CCDC25: variants seen among roughly 807,000 people sequenced by gnomAD.
The protein encoded by CCDC25 is coiled-coil domain containing 25.
Under a neutral mutation model 35.3 loss-of-function variants are expected in CCDC25, and 16 were observed. The observed-to-expected ratio is 0.45, with a 90% confidence interval of 0.31 to 0.69. The LOEUF (loss-of-function observed/expected upper bound fraction) is 0.69. Ranked by LOEUF, CCDC25 falls within the 30% of genes least tolerant of loss-of-function variation. The probability of loss-of-function intolerance (pLI) is 0.06; values close to 1 mark genes in which losing one functional copy is unlikely to be tolerated. For missense variants in CCDC25, 179 were observed against 250.7 expected, an observed-to-expected ratio of 0.71 and a Z score of 1.93; for synonymous variants, 79 against 80.3, an observed-to-expected ratio of 0.98 and a Z score of 0.09.
intron 5 of CCDC25, among the ~76,000 whole-genome samples, chr8:27,751,453 G>A (rs552678717): frequency 2.6e-5 from 4 of 152,308 alleles, no homozygotes; most frequent in East Asian, 1.9e-4. Flanking sequence ...AGGTGCTGAC[G>A]CATCATTCAG....
At position 27,768,468 on chromosome 8, in the gene CCDC25, G is replaced by A. The variant is rs112974124; in HGVS notation, c.29-3217C>T. ...TAATCCCAGCTACTAAGGAGGCTGA[G>A]GCAAGAGAATCGCTTGAACCTAGGA... is the stretch of plus-strand genomic sequence containing the variant. On this transcript the variant is annotated intron_variant, in intron 1 of 8. Transcript: ENST00000356537. 3.2e-3 allele frequency among the ~76,000 whole-genome samples: 487 copies of A among 151,298 alleles called. 9 individuals carry two copies. The highest frequency in any genetic ancestry group is 0.011 in the African/African-American group (462 of 41,176).
intron 7 of CCDC25, among the ~76,000 whole-genome samples, chr8:27,741,212 G>C (rs747523954): frequency 6.6e-6 from 1 of 152,160 alleles, no homozygotes; most frequent in Non-Finnish European, 1.5e-5. Context: ...GCCATAATGA[G>C]GTTCAATGGG....
intron 7 of CCDC25, among the ~76,000 whole-genome samples, chr8:27,742,804 T>A (rs1386068347): frequency 1.3e-5 from 2 of 151,978 alleles, no homozygotes; most frequent in African/African-American, 4.8e-5. Flanking sequence ...GAGGTGGAGG[T>A]TGCAGTGAGC....
intron 1 of CCDC25, 115 bp downstream of exon 1, chr8:27,772,398 G>T: frequency 1.0e-6 from 1 of 998,004 alleles, no homozygotes; most frequent in Non-Finnish European, 1.5e-6. Flanking sequence ...GCGGGAAGAG[G>T]CACTCGCATC....
At chr8:27,764,575 G>A (rs957815936) in intron 2 of CCDC25, 1 of 236,236 alleles carries the variant, frequency 4.2e-6, no homozygotes. Context: ...CACCATGCCT[G>A]GCCTCTTACG....
rs531810541 is a variant in CCDC25 at position 27,737,320 on chromosome 8, G to A, written c.598-1075C>T. On this transcript the variant is annotated intron_variant, in intron 8 of 8. Transcript: ENST00000356537. This position sits in a 1 kb window ranked among gnomAD's most constrained non-coding sequence, Gnocchi z 4.6. ...TAGCAATGTTTGAAAGAGTCATTTAGTATCTTCAAATGCCAGCTTTAGATC... is the reference window on the plus strand; with the variant it reads ...TAGCAATGTTTGAAAGAGTCATTTAATATCTTCAAATGCCAGCTTTAGATC... Among the ~76,000 whole-genome samples the A allele has an allele frequency of 1.8e-4, 28 of 152,292 alleles. No individual in the cohort carries two copies. The highest frequency in any genetic ancestry group is 1.0e-3 in the South Asian group (5 of 4,826).
In CCDC25 at chr8:27,747,947, G is replaced by A. The variant is rs549360206; in HGVS notation, c.551+130C>T. The A allele has an allele frequency of 1.2e-4, 107 of 869,398 alleles. 3 individuals carry two copies. In the Middle Eastern group the frequency reaches 2.5e-3, roughly 20 times the overall value. 53.9% of individuals were successfully genotyped at this position (869,398 alleles called of 1,614,324 possible). On this transcript the variant is annotated intron_variant, in intron 7 of 8. Coordinates refer to ENST00000356537, the MANE Select transcript of CCDC25 (RefSeq NM_018246.3). ...CCTTTTTTTAAAAAACTGATTTAAG[G>A]TTGAGCTTAAGCTGAGCTTGTTACA...
intron 7 of CCDC25, among the ~76,000 whole-genome samples, chr8:27,742,063 T>C (rs953537660): frequency 6.6e-6 from 1 of 152,130 alleles, no homozygotes; most frequent in Admixed American, 6.6e-5. Flanking sequence ...ACATCAAGGT[T>C]TGTAGCTTGG....
chr8:27,738,828 T>TA (rs1167505712), intron 8 of CCDC25, among the ~76,000 whole-genome samples: 15 of 152,184 alleles, frequency 9.9e-5, no homozygotes, highest in African/African-American at 3.6e-4. Context: ...TGTTTAGTGT[T>TA]AAACTGTTCC....
chr8:27,736,399 AG>A (rs148182563), intron 8 of CCDC25, among the ~76,000 whole-genome samples, 154 bp from the exon 9 acceptor site: 1,771 of 152,318 alleles, frequency 0.012, 47 homozygotes, highest in African/African-American at 0.041. Flanking sequence ...CTCCGCCTTA[AG>A]TTGTCAGTTT....
At chr8:27,764,366 T>G (rs538385620) in intron 2 of CCDC25, 80 of 272,432 alleles carry the variant, frequency 2.9e-4, no homozygotes, top group Non-Finnish European at 1.5e-5. Context: ...CCTCCCAGGC[T>G]CAAGCGATCT....
intron 1 of CCDC25, among the ~76,000 whole-genome samples, chr8:27,766,649 T>C (rs1259690146): frequency 1.3e-5 from 2 of 152,114 alleles, no homozygotes; most frequent in Admixed American, 6.5e-5. Flanking sequence ...CTGGCAATAG[T>C]TCAAGTGTAT....
At chr8:27,754,445 T>C (rs1231751867) in intron 4 of CCDC25, 1 of 151,964 alleles carries the variant, frequency 6.6e-6, no homozygotes, top group African/African-American at 2.4e-5. Context: ...CTGAAAGGGG[T>C]GGGGAAAAAA....
chr8:27,755,037 C>T (rs1803950508), intron 4 of CCDC25, among the ~76,000 whole-genome samples: 1 of 152,176 alleles, frequency 6.6e-6, no homozygotes, highest in Non-Finnish European at 1.5e-5. Context: ...AATTTTTTCA[C>T]ATCAGACATG....
chr8:27,752,417 A>G, intron 5 of CCDC25, 95 bp downstream of exon 5: 1 of 921,978 alleles, frequency 1.1e-6, no homozygotes, highest in Non-Finnish European at 1.7e-6. Context: ...TCTTTGATGG[A>G]GGCCAAAGTC....
In CCDC25 at chr8:27,737,882, ACT is replaced by A. The variant is rs776668560; in HGVS notation, c.598-1639_598-1638del. Reference sequence around the variant, plus strand: ...GAAACTGTGGTGTGTGTATACACACACTCACACACACACACACACACACACAC... The same window carrying A: ...GAAACTGTGGTGTGTGTATACACACACACACACACACACACACACACACAC... On this transcript the variant is annotated intron_variant, in intron 8 of 8. Transcript: ENST00000356537. The surrounding 1 kb of genome is among the most constrained non-coding windows in gnomAD (Gnocchi z 4.6). 0.036 allele frequency among the ~76,000 whole-genome samples: 4,943 copies of A among 135,864 alleles called. 97 individuals carry two copies. The highest frequency in any genetic ancestry group is 0.085 in the Middle Eastern group (23 of 272). The allele number at this position is 135,864 out of a possible 152,430, so 89.1% of individuals were successfully genotyped here. A position where few individuals can be genotyped will look rare whatever the true frequency, so the allele number is the denominator to read the frequency against.
intron 2 of CCDC25, 151 bp downstream of exon 2, chr8:27,765,053 A>C (rs1191896646): frequency 1.6e-6 from 1 of 630,434 alleles, no homozygotes; most frequent in Non-Finnish European, 2.7e-6. Flanking sequence ...CTGTCTCCCT[A>C]TGTGAGCTTG....
At chr8:27,740,629 C>T (rs1432626486) in intron 7 of CCDC25, 112 bp from the exon 8 acceptor site, 11 of 814,670 alleles carry the variant, frequency 1.4e-5, no homozygotes, top group African/African-American at 8.7e-5. Flanking sequence ...AGAAGAAACA[C>T]AAGAGCTATT....
At position 27,769,131 on chromosome 8, in the gene CCDC25, T is replaced by C. The variant is rs553176792; in HGVS notation, c.28+3382A>G. Among the ~76,000 whole-genome samples the C allele has an allele frequency of 6.7e-4, 102 of 152,356 alleles. 2 individuals are homozygous for C. Among genetic ancestry groups the C allele is most frequent in the South Asian group, 1.9e-3 (9 of 4,830 alleles). ...TTTCCTGAAGATTCTATATATTTGT[T>C]GTTTCTATACTGCCAATATGTAAAG... is the stretch of plus-strand genomic sequence containing the variant. On this transcript the variant is annotated intron_variant, in intron 1 of 8. Transcript: ENST00000356537.
Sources: gnomAD v4.1 joint callset for allele counts (sites outside exome capture counted in the v4.1 genomes callset) on GRCh38, gnomAD v4.1.1 for gene constraint, Gnocchi (gnomAD v3.1) non-coding constraint, MANE v1.5 for transcripts, NCBI Gene and HGNC (gene_info 2026-07-23, HGNC 2026-07-21) for gene names.